MACROD2: variants seen among roughly 807,000 people sequenced by gnomAD.
MACROD2 encodes the protein ADP-ribose glycohydrolase MACROD2.
In MACROD2, 36 loss-of-function variants were observed where a neutral mutation model predicts 70.4. The ratio of observed to expected loss-of-function variants is 0.51; its 90% confidence interval spans 0.39 to 0.68. The LOEUF (loss-of-function observed/expected upper bound fraction) is 0.68. MACROD2 is among the 30% of genes least tolerant of loss of function. MACROD2 has a pLI of 0.00. For synonymous variants in MACROD2, 172 were observed against 178.8 expected (o/e 0.96, Z 0.30); for missense variants, 496 against 538.4 (o/e 0.92, Z 0.78).
At chr20:14,890,008 A>G (rs1376197974) in intron 5 of MACROD2, among the ~76,000 whole-genome samples, 2 of 152,088 alleles carry the variant, frequency 1.3e-5, no homozygotes, top group Non-Finnish European at 2.9e-5. Context: ...AGGAGTACAG[A>G]CTTTGTATAT....
chr20:15,208,463 T>C (rs2076730687), intron 5 of MACROD2, among the ~76,000 whole-genome samples: 2 of 152,222 alleles, frequency 1.3e-5, no homozygotes, highest in Non-Finnish European at 1.5e-5. Flanking sequence ...TTCCTGGTTC[T>C]TGGTATAATG....
intron 2 of MACROD2, among the ~76,000 whole-genome samples, chr20:14,003,099 C>T (rs976201106): frequency 6.6e-5 from 10 of 152,146 alleles, no homozygotes; most frequent in East Asian, 3.8e-4. Flanking sequence ...TTTAGACAAA[C>T]GGTGCTTCTT....
intron 8 of MACROD2, among the ~76,000 whole-genome samples, chr20:15,715,374 G>A (rs965270941): frequency 2.0e-5 from 3 of 152,240 alleles, no homozygotes; most frequent in African/African-American, 4.8e-5. Flanking sequence ...CTTACTTGGG[G>A]ATGAAAACAA....
intron 5 of MACROD2, among the ~76,000 whole-genome samples, chr20:15,137,867 G>A (rs11908639): frequency 0.62 from 93,865 of 151,830 alleles, 29,265 homozygotes; most frequent in African/African-American, 0.69. Flanking sequence ...CCTGCCTTTG[G>A]AAAAAGATGG....
intron 2 of MACROD2, among the ~76,000 whole-genome samples, chr20:14,068,730 C>T (rs932742510): frequency 1.3e-5 from 2 of 151,866 alleles, no homozygotes; most frequent in Non-Finnish European, 2.9e-5. Flanking sequence ...GAGAATTCAC[C>T]CATGATGAGA....
At chr20:14,013,768 C>T (rs774592048) in intron 2 of MACROD2, among the ~76,000 whole-genome samples, 50 of 148,766 alleles carry the variant, frequency 3.4e-4, no homozygotes, top group Non-Finnish European at 5.5e-4. Context: ...CTGCAACCTC[C>T]GCCTCCTGGG....
intron 12 of MACROD2, among the ~76,000 whole-genome samples, chr20:15,951,347 AC>A (rs1283095448): frequency 2.3e-4 from 35 of 151,044 alleles, no homozygotes; most frequent in Admixed American, 2.0e-3. Context: ...ACACACACAC[AC>A]ACAAAGAGAG....
chr20:14,713,359 T>C (rs1010769889), intron 5 of MACROD2, among the ~76,000 whole-genome samples: 1 of 152,214 alleles, frequency 6.6e-6, no homozygotes, highest in African/African-American at 2.4e-5. Flanking sequence ...CAAGATCTGT[T>C]TGAACGTAAG....
chr20:14,264,952 G>A (rs2082131956), intron 3 of MACROD2, among the ~76,000 whole-genome samples: 1 of 152,190 alleles, frequency 6.6e-6, no homozygotes, highest in Admixed American at 6.5e-5. Context: ...AGACTGGTTG[G>A]ATCAGCTGGC....
At chr20:15,165,568 G>A (rs1217131651) in intron 5 of MACROD2, among the ~76,000 whole-genome samples, 4 of 152,212 alleles carry the variant, frequency 2.6e-5, no homozygotes, top group Admixed American at 6.5e-5. Flanking sequence ...ATTGTATCTG[G>A]TTTTGTAACC....
At chr20:15,201,290 C>G (rs1233964435) in intron 5 of MACROD2, among the ~76,000 whole-genome samples, 1 of 152,032 alleles carries the variant, frequency 6.6e-6, no homozygotes, top group Non-Finnish European at 1.5e-5. Flanking sequence ...GCCCCCCTCC[C>G]CAGATATCTA....
intron 5 of MACROD2, among the ~76,000 whole-genome samples, chr20:15,094,205 C>CAAAT (rs1232143010): frequency 6.6e-6 from 1 of 152,030 alleles, no homozygotes; most frequent in Admixed American, 6.6e-5. Context: ...CTTCTATGTC[C>CAAAT]AAATAACTTT....
intron 3 of MACROD2, among the ~76,000 whole-genome samples, chr20:14,443,699 G>A (rs527666107): frequency 6.6e-5 from 10 of 152,252 alleles, no homozygotes; most frequent in African/African-American, 2.2e-4. Context: ...ATTAGTGAGT[G>A]TATCAGTAGT....
chr20:15,307,766 G>A (rs1223303541), intron 6 of MACROD2, among the ~76,000 whole-genome samples: 1 of 151,632 alleles, frequency 6.6e-6, no homozygotes, highest in Non-Finnish European at 1.5e-5. Context: ...TTCTGGTCTA[G>A]GATCCAATAC....
At chr20:15,361,335 T>C (rs559593580) in intron 6 of MACROD2, among the ~76,000 whole-genome samples, 1 of 152,310 alleles carries the variant, frequency 6.6e-6, no homozygotes, top group East Asian at 1.9e-4. Context: ...CCTTACTCTA[T>C]TGAATTGCTT....
intron 13 of MACROD2, among the ~76,000 whole-genome samples, chr20:15,982,089 A>T (rs1415496875): frequency 6.6e-6 from 1 of 151,518 alleles, no homozygotes; most frequent in Admixed American, 6.6e-5. Context: ...ATTTTTGGGG[A>T]CCTCTCTTTC....
At chr20:15,710,194 C>CAAAAAAAAAAAAAA (rs67656339) in intron 8 of MACROD2, among the ~76,000 whole-genome samples, 6 of 102,688 alleles carry the variant, frequency 5.8e-5, no homozygotes, top group Admixed American at 1.0e-4. Context: ...ATCAAAAAGA[C>CAAAAAAAAAAAAAA]AAAAAAAAAA....
At position 13,995,623 on chromosome 20, in the gene MACROD2, C is replaced by A; in HGVS notation, c.-141C>A. 1 of 791,760 alleles carries A rather than the reference C, an allele frequency of 1.3e-6. No individual in the cohort carries two copies. The highest frequency in any genetic ancestry group is 2.7e-5 in the East Asian group (1 of 37,610). 49.0% of individuals were successfully genotyped at this position (791,760 alleles called of 1,614,324 possible). Reference sequence around the variant, plus strand: ...AGGGCGGCGACTGGAGAGCGGCGAGCGGCGAGCAGCGCAGGACGCAGAGCC... The same window carrying A: ...AGGGCGGCGACTGGAGAGCGGCGAGAGGCGAGCAGCGCAGGACGCAGAGCC... On this transcript the variant is annotated 5_prime_UTR_variant, in exon 1 of 18. Transcript: ENST00000684519. This position sits in a 1 kb window ranked among gnomAD's most constrained non-coding sequence, Gnocchi z 4.3.
intron 5 of MACROD2, among the ~76,000 whole-genome samples, chr20:14,720,581 G>C (rs2071456269): frequency 1.4e-5 from 1 of 72,360 alleles, no homozygotes; most frequent in Non-Finnish European, 2.6e-5. Flanking sequence ...GTGAGGCAGA[G>C]TCTCGCTCTG....
Sources: allele counts gnomAD v4.1 joint callset (sites outside exome capture counted in the v4.1 genomes callset), GRCh38; gene constraint gnomAD v4.1.1; non-coding constraint Gnocchi (gnomAD v3.1); transcripts MANE v1.5; gene names NCBI Gene and HGNC (gene_info 2026-07-23, HGNC 2026-07-21).